The following DNAI7 variants were observed in gnomAD, a reference collection of about 807,000 sequenced individuals.
The protein encoded by DNAI7 is cancer susceptibility 1.
Under a neutral mutation model 86.6 loss-of-function variants are expected in DNAI7, and 78 were observed. The observed-to-expected ratio is 0.90, with a 90% confidence interval of 0.75 to 1.09. The LOEUF is 1.09. DNAI7 is among the 50% of genes least tolerant of loss of function. The pLI, the probability that DNAI7 is intolerant of heterozygous loss-of-function variation, is 0.00. For synonymous variants in DNAI7, 274 were observed against 273.0 expected, an observed-to-expected ratio of 1.00 and a Z score of -0.04; for missense variants, 753 against 810.2, an observed-to-expected ratio of 0.93 and a Z score of 0.86.
chr12:25,119,819 G>A (rs1940907649), intron 11 of DNAI7, among the ~76,000 whole-genome samples: 1 of 152,178 alleles, frequency 6.6e-6, no homozygotes, highest in African/African-American at 2.4e-5. Flanking sequence ...GGATAAGGAA[G>A]ATTTGTGCAT....
Position 25,108,750 on chromosome 12 carries a change from G to A in DNAI7, c.1967C>T (p.Ala656Val). 1 of 1,455,188 alleles carries A rather than the reference G, an allele frequency of 6.9e-7. No individual in the cohort carries two copies. The highest frequency in any genetic ancestry group is 9.2e-7 in the Non-Finnish European group (1 of 1,085,980). 90.1% of individuals were successfully genotyped at this position (1,455,188 alleles called of 1,614,324 possible). A position where few individuals can be genotyped will look rare whatever the true frequency, so the allele number is the denominator to read the frequency against. The change falls in exon 16 of 16, where the codon GCA becomes GTA. Residue 656 changes from alanine to valine, a missense_variant. Physicochemically the swap from Ala to Val is moderately conservative, Grantham distance 64. Coordinates refer to ENST00000395987, the MANE Select transcript of DNAI7 (RefSeq NM_018272.5). Reference protein sequence around the residue: ...WALLMFSGDRAQRLKIKEESE... With the variant: ...WALLMFSGDRVQRLKIKEESE... ...CTCTTCCTTGATCTTCAGTCTTTGT[G>A]CTCTGTCACCACTAAACATTAAAAG...
intron 9 of DNAI7, among the ~76,000 whole-genome samples, chr12:25,126,415 T>C (rs959665664): frequency 9.9e-5 from 15 of 152,080 alleles, no homozygotes; most frequent in Admixed American, 3.3e-4. Context: ...AGTGAAGTGC[T>C]AGAAGTCCAG....
rs112649241 is a variant in DNAI7, at chr12:25,130,785, T to G, written c.1003-7499A>C. Among the ~76,000 whole-genome samples the G allele has an allele frequency of 1.4e-3, 211 of 152,112 alleles. 1 individual carries two copies. Among genetic ancestry groups the G allele is most frequent in the African/African-American group, 4.9e-3 (205 of 41,498 alleles). On this transcript the variant is annotated intron_variant, in intron 9 of 15. Coordinates refer to ENST00000395987, the MANE Select transcript of DNAI7 (RefSeq NM_018272.5). ...ACTTAAATTAGGCTTTTCTAAAAAG[T>G]TTGCATGATATAGTAATTGGGAAGA... is the stretch of plus-strand genomic sequence containing the variant.
chr12:25,113,278 GCT>G (rs1939337578), intron 13 of DNAI7, among the ~76,000 whole-genome samples: 1 of 120,938 alleles, frequency 8.3e-6, no homozygotes, highest in Non-Finnish European at 1.7e-5. Flanking sequence ...TGTTGTTGTT[GCT>G]GTTGTTGTTG....
chr12:25,159,147 C>T (rs1339220615), intron 3 of DNAI7, among the ~76,000 whole-genome samples: 1 of 152,176 alleles, frequency 6.6e-6, no homozygotes, highest in Non-Finnish European at 1.5e-5. Flanking sequence ...CAGCCATTGT[C>T]TCTTCTTTGC....
chr12:25,114,668 T>A lies in DNAI7; in HGVS notation c.1599A>T (p.Gln533His), dbSNP rs200071302. The change falls in exon 13 of 16, where the codon CAA becomes CAT. Residue 533 changes from glutamine to histidine, a missense_variant. Transcript: ENST00000395987. ...LTVTTVFTEI[Q>H]IQIKENLCML... Reference sequence around the variant, plus strand: ...AAGAGTAACTCACCTTAATTTGTATTTGAATCTCAGTAAATACTGTAGTCA... The same window carrying A: ...AAGAGTAACTCACCTTAATTTGTATATGAATCTCAGTAAATACTGTAGTCA... 1.9e-6 allele frequency: 3 copies of A among 1,607,428 alleles called. No individual in the cohort carries two copies. The highest frequency in any genetic ancestry group is 2.6e-6 in the Non-Finnish European group (3 of 1,174,048).
chr12:25,190,064 A>G (rs753041918), intron 2 of DNAI7, among the ~76,000 whole-genome samples: 1 of 152,026 alleles, frequency 6.6e-6, no homozygotes, highest in Non-Finnish European at 1.5e-5. Context: ...CTGCCAGCCA[A>G]TGGATTATAA....
rs1271961144 is a variant in DNAI7, at chr12:25,174,583, A to T, written c.22-13386T>A. The stretch of plus-strand genomic sequence containing the variant: ...ATATCATATATATGGGATATATATC[A>T]TATATATGGGATATATATATGATAT... On this transcript the variant is annotated intron_variant, in intron 2 of 15. Transcript: ENST00000395987. Among the ~76,000 whole-genome samples, 10 of 90,710 alleles carry T rather than the reference A, an allele frequency of 1.1e-4. No individual in the cohort carries two copies. In the East Asian group the frequency reaches 2.1e-3, roughly 19 times the overall value. The allele number at this position is 90,710 out of a possible 152,430, so 59.5% of individuals were successfully genotyped here.
At chr12:25,158,610 T>C (rs1946488727) in intron 3 of DNAI7, 47 bp from the exon 4 acceptor site, 7 of 1,559,598 alleles carry the variant, frequency 4.5e-6, no homozygotes, top group Non-Finnish European at 6.1e-6. Context: ...GATCACTGTA[T>C]TTTTAAGCCC....
intron 2 of DNAI7, among the ~76,000 whole-genome samples, chr12:25,161,637 T>G (rs549459207): frequency 2.0e-4 from 30 of 152,304 alleles, no homozygotes; most frequent in African/African-American, 6.7e-4. Context: ...GAAGGAGAGA[T>G]TACTTTCAAC....
chr12:25,152,677 A>T (rs966598294), intron 6 of DNAI7, among the ~76,000 whole-genome samples: 2 of 152,184 alleles, frequency 1.3e-5, no homozygotes, highest in Non-Finnish European at 2.9e-5. Flanking sequence ...GGCTGATCAG[A>T]AGTACAGGTG....
chr12:25,154,617 G>T (rs1296344011), intron 5 of DNAI7, among the ~76,000 whole-genome samples, 161 bp from the exon 6 acceptor site: 2 of 152,148 alleles, frequency 1.3e-5, no homozygotes. Flanking sequence ...AAATAACCAA[G>T]TTCTTCTTTA....
At chr12:25,133,171 G>A (rs1227673167) in intron 9 of DNAI7, among the ~76,000 whole-genome samples, 4 of 123,818 alleles carry the variant, frequency 3.2e-5, no homozygotes, top group Non-Finnish European at 5.3e-5. Flanking sequence ...TTTTTTTTTA[G>A]TCTTTAGGGT....
At chr12:25,163,022 A>G (rs1183322092) in intron 2 of DNAI7, among the ~76,000 whole-genome samples, 1 of 152,260 alleles carries the variant, frequency 6.6e-6, no homozygotes, top group African/African-American at 2.4e-5. Context: ...CTGCTCCTGT[A>G]CGACCTGGGA....
At chr12:25,148,616 G>C (rs12427119) in intron 7 of DNAI7, among the ~76,000 whole-genome samples, 17,566 of 152,168 alleles carry the variant, frequency 0.12, 1,359 homozygotes, top group Admixed American at 0.16. Context: ...GCATTCTACT[G>C]TAAAGAACTG....
At chr12:25,137,336 G>A (rs1004875673) in intron 9 of DNAI7, among the ~76,000 whole-genome samples, 1 of 152,122 alleles carries the variant, frequency 6.6e-6, no homozygotes, top group Non-Finnish European at 1.5e-5. Context: ...CAAATGCTAA[G>A]AGAATTTACC....
intron 2 of DNAI7, among the ~76,000 whole-genome samples, chr12:25,179,667 T>C (rs61501848): frequency 0.073 from 11,010 of 151,708 alleles, 427 homozygotes; most frequent in South Asian, 0.13. Flanking sequence ...ATAAGCAGAA[T>C]TAAAAACAAA....
At chr12:25,194,989 G>T (rs776115066) in intron 1 of DNAI7, 87 bp downstream of exon 1, 1 of 1,614,140 alleles carries the variant, frequency 6.2e-7, no homozygotes, top group Non-Finnish European at 8.5e-7. Context: ...TGTAAAATAT[G>T]ACTGGCTCTT....
At chr12:25,112,408 T>TG (rs1939056765) in intron 13 of DNAI7, among the ~76,000 whole-genome samples, 1 of 140,710 alleles carries the variant, frequency 7.1e-6, no homozygotes, top group South Asian at 2.3e-4. Context: ...GGTTTTTTTT[T>TG]TTTTTTTTTT....
Sources: gnomAD v4.1 joint callset for allele counts (sites outside exome capture counted in the v4.1 genomes callset) on GRCh38, gnomAD v4.1.1 for gene constraint, MANE v1.5 for transcripts, NCBI Gene and HGNC (gene_info 2026-07-23, HGNC 2026-07-21) for gene names.